XYLT1: variants seen among roughly 807,000 people sequenced by gnomAD.
XYLT1 encodes xylosyltransferase 1.
A neutral mutation model predicts 91.3 loss-of-function variants in XYLT1; 36 were observed. The observed-to-expected ratio is 0.39, with a 90% CI of 0.30 to 0.52. XYLT1 has a LOEUF of 0.52. Ranked by LOEUF, XYLT1 falls within the 20% of genes least tolerant of loss-of-function variation. The pLI is 0.68. For synonymous variants in XYLT1, 588 were observed against 532.0 expected (o/e 1.11, Z -1.45); for missense variants, 1,242 against 1,284.5 (o/e 0.97, Z 0.51).
chr16:17,293,650 G>A (rs999418628), intron 2 of XYLT1, among the ~76,000 whole-genome samples: 1 of 151,954 alleles, frequency 6.6e-6, no homozygotes, highest in Non-Finnish European at 1.5e-5. Flanking sequence ...ACCACACCCA[G>A]CTAATTGTTT....
chr16:17,333,042 C>T (rs916092670), intron 2 of XYLT1, among the ~76,000 whole-genome samples: 7 of 149,832 alleles, frequency 4.7e-5, no homozygotes, highest in African/African-American at 1.7e-4. Flanking sequence ...TAACTCAAAT[C>T]TTTTTTTTTT....
At chr16:17,141,754 G>A (rs2030982441) in intron 6 of XYLT1, among the ~76,000 whole-genome samples, 1 of 152,140 alleles carries the variant, frequency 6.6e-6, no homozygotes, top group South Asian at 2.1e-4. Flanking sequence ...TGCAGACCAT[G>A]GACCCTTGTC....
Position 17,127,880 on chromosome 16 carries a change from A to G in XYLT1, c.2028-19T>C. On this transcript the variant is annotated intron_variant, in intron 9 of 11. Coordinates refer to ENST00000261381, the MANE Select transcript of XYLT1 (RefSeq NM_022166.4). ...GTAGTATCTGAAAACACAGGCGCTC[A>G]TGCATTAGGGCCCAAGGTGTGTAGG... is the stretch of plus-strand genomic sequence containing the variant. The G allele has an allele frequency of 6.2e-7, 1 of 1,610,034 alleles. No homozygotes were observed. The highest frequency in any genetic ancestry group is 8.5e-7 in the Non-Finnish European group (1 of 1,178,266).
In XYLT1 at chr16:17,432,297, C is replaced by T. The variant is rs114812973; in HGVS notation, c.363+38137G>A. 3.7e-3 allele frequency among the ~76,000 whole-genome samples: 557 copies of T among 152,276 alleles called. 4 individuals are homozygous for T. Among genetic ancestry groups the T allele is most frequent in the African/African-American group, 0.013 (534 of 41,546 alleles). ...ATGCTCATAGCAGCGTTATTCACAACAGCCCCAAAAGCAGAAAAAACCCAG... is the reference window on the plus strand; with the variant it reads ...ATGCTCATAGCAGCGTTATTCACAATAGCCCCAAAAGCAGAAAAAACCCAG... On this transcript the variant is annotated intron_variant, in intron 1 of 11. Coordinates refer to ENST00000261381, the MANE Select transcript of XYLT1 (RefSeq NM_022166.4).
At chr16:17,412,370 C>T (rs190769306) in intron 1 of XYLT1, among the ~76,000 whole-genome samples, 43 of 152,076 alleles carry the variant, frequency 2.8e-4, no homozygotes, top group East Asian at 1.9e-4. Flanking sequence ...CGCACACACA[C>T]GTACACAAAC....
At chr16:17,295,337 G>GT (rs72324173) in intron 2 of XYLT1, among the ~76,000 whole-genome samples, 67,279 of 149,778 alleles carry the variant, frequency 0.45, 17,103 homozygotes, top group African/African-American at 0.7. Context: ...CCAGGTTTTT[G>GT]TTTTGTTTTG....
chr16:17,315,585 A>G (rs1417822322), intron 2 of XYLT1, among the ~76,000 whole-genome samples: 1 of 152,228 alleles, frequency 6.6e-6, no homozygotes, highest in African/African-American at 2.4e-5. Context: ...TATTCTAGGA[A>G]GTCAAAGATA....
intron 6 of XYLT1, among the ~76,000 whole-genome samples, chr16:17,149,722 A>G (rs1350927175): frequency 2.0e-5 from 3 of 152,172 alleles, no homozygotes; most frequent in African/African-American, 7.2e-5. Flanking sequence ...ATGCAGTGGC[A>G]AGATTTTGAG....
intron 1 of XYLT1, among the ~76,000 whole-genome samples, chr16:17,416,003 G>A (rs1354160224): frequency 6.6e-6 from 1 of 152,206 alleles, no homozygotes; most frequent in Non-Finnish European, 1.5e-5. Flanking sequence ...AGTCAGTATG[G>A]CAGTGACACA....
intron 1 of XYLT1, among the ~76,000 whole-genome samples, chr16:17,433,184 C>T (rs1030640040): frequency 2.6e-5 from 4 of 152,122 alleles, no homozygotes; most frequent in Non-Finnish European, 5.9e-5. Context: ...CATGCAGCCA[C>T]GCCCAAAACT....
At chr16:17,202,343 C>T (rs1325004268) in intron 3 of XYLT1, among the ~76,000 whole-genome samples, 1 of 152,170 alleles carries the variant, frequency 6.6e-6, no homozygotes, top group Non-Finnish European at 1.5e-5. Flanking sequence ...ATGAACGAGG[C>T]TCTTTCTACG....
chr16:17,211,880 T>G (rs2032763575), intron 3 of XYLT1, among the ~76,000 whole-genome samples: 1 of 152,208 alleles, frequency 6.6e-6, no homozygotes, highest in Non-Finnish European at 1.5e-5. Flanking sequence ...AATTCCTTGT[T>G]GTGGAGGGGA....
At chr16:17,447,792 A>T (rs996310619) in intron 1 of XYLT1, among the ~76,000 whole-genome samples, 1 of 152,218 alleles carries the variant, frequency 6.6e-6, no homozygotes, top group African/African-American at 2.4e-5. Context: ...CTAAGCCTCA[A>T]TGTCCACATT....
At position 17,322,959 on chromosome 16, in the gene XYLT1, A is replaced by G. The variant is rs1416607729; in HGVS notation, c.402+35053T>C. On this transcript the variant is annotated intron_variant, in intron 2 of 11. Coordinates refer to ENST00000261381, the MANE Select transcript of XYLT1 (RefSeq NM_022166.4). The stretch of plus-strand genomic sequence containing the variant: ...GCTTGTGGCTGAATGCATGAAACAG[A>G]GAACCTAAAGGCAAAACAGCAGCTG... 2.0e-5 allele frequency among the ~76,000 whole-genome samples: 3 copies of G among 152,362 alleles called. No individual in the cohort carries two copies. In the East Asian group the frequency reaches 5.8e-4, roughly 29 times the overall value.
chr16:17,399,795 C>G (rs2035941129), intron 1 of XYLT1, among the ~76,000 whole-genome samples: 1 of 152,210 alleles, frequency 6.6e-6, no homozygotes, highest in Admixed American at 6.5e-5. Flanking sequence ...CTCCAGCCCC[C>G]ACCACCACCC....
chr16:17,291,905 G>A (rs1388302032), intron 2 of XYLT1, among the ~76,000 whole-genome samples: 1 of 151,994 alleles, frequency 6.6e-6, no homozygotes, highest in Non-Finnish European at 1.5e-5. Flanking sequence ...ATGATAGGAT[G>A]GCCAGGCACG....
intron 1 of XYLT1, among the ~76,000 whole-genome samples, chr16:17,394,351 C>T (rs1157579523): frequency 3.3e-5 from 5 of 152,166 alleles, no homozygotes; most frequent in Admixed American, 6.6e-5. Flanking sequence ...TCTACTCTGC[C>T]TTCATGGAGG....
intron 3 of XYLT1, among the ~76,000 whole-genome samples, chr16:17,244,532 T>C (rs1567339093): frequency 1.3e-5 from 2 of 152,182 alleles, no homozygotes; most frequent in South Asian, 2.1e-4. Flanking sequence ...TCTATCACAA[T>C]TTAAAATGGG....
At chr16:17,204,169 G>C (rs907804860) in intron 3 of XYLT1, among the ~76,000 whole-genome samples, 6 of 152,196 alleles carry the variant, frequency 3.9e-5, no homozygotes, top group Non-Finnish European at 2.9e-5. Flanking sequence ...TTGCGATATA[G>C]AGGATAGGTG....
Sources: gnomAD v4.1 joint callset for allele counts (sites outside exome capture counted in the v4.1 genomes callset) on GRCh38, gnomAD v4.1.1 for gene constraint, MANE v1.5 for transcripts, NCBI Gene and HGNC (gene_info 2026-07-23, HGNC 2026-07-21) for gene names.